The following HSD11B1 variants were observed in gnomAD, a reference collection of about 807,000 sequenced individuals.
HSD11B1 encodes hydroxysteroid 11-beta dehydrogenase 1, also known as 11-beta-hydroxysteroid dehydrogenase 1.
Under a neutral mutation model 22.1 loss-of-function variants are expected in HSD11B1, and 15 were observed. The ratio of observed to expected loss-of-function variants is 0.68; its 90% confidence interval spans 0.45 to 1.04. The LOEUF (loss-of-function observed/expected upper bound fraction) is 1.04, where lower values mean the gene tolerates loss of function less well. Among genes scored for constraint, HSD11B1 ranks in the 50% least tolerant of loss-of-function variants. HSD11B1 has a pLI of 0.00. For missense variants in HSD11B1, 281 were observed against 357.6 expected (o/e 0.79, Z 1.73); for synonymous variants, 122 against 125.2 (o/e 0.97, Z 0.17).
intron 4 of HSD11B1, among the ~76,000 whole-genome samples, chr1:209,708,127 GT>G (rs1362550406): frequency 6.6e-6 from 1 of 152,154 alleles, no homozygotes; most frequent in Non-Finnish European, 1.5e-5. Context: ...GCCATCACCA[GT>G]AAAAAACCAG....
chr1:209,714,778 T>G (rs1389218020), intron 4 of HSD11B1, among the ~76,000 whole-genome samples: 1 of 152,058 alleles, frequency 6.6e-6, no homozygotes, highest in East Asian at 1.9e-4. Context: ...GGGAGGAAGG[T>G]GGCAGCACAG....
intron 4 of HSD11B1, among the ~76,000 whole-genome samples, chr1:209,723,476 G>A (rs751327083): frequency 2.6e-5 from 4 of 152,130 alleles, no homozygotes; most frequent in Non-Finnish European, 5.9e-5. Context: ...TGTTCTGTGC[G>A]CAGGTCCTCC....
chr1:209,700,227 G>A (rs370296789), upstream of HSD11B1, among the ~76,000 whole-genome samples: 1 of 152,216 alleles, frequency 6.6e-6, no homozygotes, highest in African/African-American at 2.4e-5. Context: ...CTCCATGAGG[G>A]CCCTGCCCTG....
intron 4 of HSD11B1, among the ~76,000 whole-genome samples, chr1:209,711,474 T>C (rs558539440): frequency 2.0e-5 from 3 of 152,278 alleles, no homozygotes; most frequent in African/African-American, 7.2e-5. Flanking sequence ...ACCTCAGAAA[T>C]AATCTTCAGG....
chr1:209,697,949 C>T (rs1019052412), intron 1 of HSD11B1, among the ~76,000 whole-genome samples: 1 of 101,906 alleles, frequency 9.8e-6, no homozygotes, highest in Admixed American at 1.4e-4. Context: ...CCAAGCTGAT[C>T]TCAAACTCCT....
intron 1 of HSD11B1, among the ~76,000 whole-genome samples, chr1:209,697,884 C>CTTTTTTTTTTTTTTCTTTTTTTT (rs2076800811): frequency 4.8e-5 from 2 of 41,586 alleles, no homozygotes; most frequent in Non-Finnish European, 8.9e-5. Flanking sequence ...TTGTTTTTTC[C>CTTTTTTTTTTTTTTCTTTTTTTT]TTTTTTTTTT....
intron 4 of HSD11B1, among the ~76,000 whole-genome samples, chr1:209,714,060 G>A (rs969365540): frequency 1.3e-5 from 2 of 152,130 alleles, no homozygotes; most frequent in Non-Finnish European, 2.9e-5. Flanking sequence ...ATGCATGAAG[G>A]TCAACTCTGA....
At chr1:209,719,014 C>A (rs1389367392) in intron 4 of HSD11B1, among the ~76,000 whole-genome samples, 2 of 3,850 alleles carry the variant, frequency 5.2e-4, no homozygotes, top group Admixed American at 3.1e-3. Flanking sequence ...AGTGAGACTC[C>A]ATCTCAAAAA....
upstream of HSD11B1, among the ~76,000 whole-genome samples, chr1:209,701,196 C>A (rs911172375): frequency 6.6e-6 from 1 of 152,132 alleles, no homozygotes; most frequent in Non-Finnish European, 1.5e-5. Flanking sequence ...AAGACATACC[C>A]GAAACCAGGA....
chr1:209,689,312 A>G (rs141892786), intron 1 of HSD11B1, among the ~76,000 whole-genome samples: 3 of 152,204 alleles, frequency 2.0e-5, no homozygotes, highest in Non-Finnish European at 4.4e-5. Context: ...AAAGAGACAA[A>G]CACTACAGAC....
chr1:209,705,857 G>T lies in HSD11B1; in HGVS notation c.135G>T (p.Gly45=). The T allele has an allele frequency of 6.2e-7, 1 of 1,614,066 alleles. No individual in the cohort carries two copies. The highest frequency in any genetic ancestry group is 8.5e-7 in the Non-Finnish European group (1 of 1,179,924). The change falls in exon 2 of 6, where the codon GGG becomes GGT. Residue 45 remains glycine, a synonymous_variant. Coordinates refer to ENST00000367027, the MANE Select transcript of HSD11B1 (RefSeq NM_005525.4). ...TGATTGTCACAGGGGCCAGCAAAGG[G>T]ATCGGAAGAGAGATGGCTTATCATC... The part of the protein sequence containing the change: ...KKVIVTGASK[G]IGREMAYHLA...
chr1:209,716,619 A>C (rs1057488010), intron 4 of HSD11B1, among the ~76,000 whole-genome samples: 1 of 152,204 alleles, frequency 6.6e-6, no homozygotes, highest in Non-Finnish European at 1.5e-5. Flanking sequence ...ATCCTAAGCA[A>C]AAAGAACAAA....
At chr1:209,731,067 A>G (rs1171427723) in intron 4 of HSD11B1, among the ~76,000 whole-genome samples, 1 of 152,212 alleles carries the variant, frequency 6.6e-6, no homozygotes, top group Non-Finnish European at 1.5e-5. Context: ...GAATAGCTAG[A>G]AGGAAGAGGT....
chr1:209,706,312 C>T lies in HSD11B1; in HGVS notation c.219+371C>T, dbSNP rs370936820. On this transcript the variant is annotated intron_variant, in intron 2 of 5. Transcript: ENST00000367027. This position sits in a 1 kb window ranked among gnomAD's most constrained non-coding sequence, Gnocchi z 4.0. The stretch of plus-strand genomic sequence containing the variant: ...GCTTATGAATACATATCCTCATACC[C>T]ATGCAGACTCCCAGACACATGCCCT... Among the ~76,000 whole-genome samples, 6 of 152,296 alleles carry T rather than the reference C, an allele frequency of 3.9e-5. No homozygotes were observed. The highest frequency in any genetic ancestry group is 1.4e-4 in the African/African-American group (6 of 41,548).
At position 209,697,745 on chromosome 1, in the gene HSD11B1, A is replaced by G. The variant is rs866772317; in HGVS notation, c.-48-7150A>G. Among the ~76,000 whole-genome samples the G allele has an allele frequency of 7.9e-5, 12 of 152,124 alleles. 1 individual carries two copies. The highest frequency in any genetic ancestry group is 4.1e-4 in the South Asian group (2 of 4,828). On this transcript the variant is annotated intron_variant, in intron 1 of 6. Coordinates refer to the HSD11B1 transcript ENST00000261465. ...TGGCTATCAGTAGGCATGGTCCAGA[A>G]TGTTTTGTCCACACCTGAGACCATT...
intron 4 of HSD11B1, among the ~76,000 whole-genome samples, chr1:209,719,019 C>CAAAAAAAAAAAAAAAAAAAAAAAAAAAA (rs56342028): frequency 2.8e-5 from 1 of 35,710 alleles, no homozygotes; most frequent in Admixed American, 4.8e-4. Context: ...GACTCCATCT[C>CAAAAAAAAAAAAAAAAAAAAAAAAAAAA]AAAAAAAAAA....
At chr1:209,686,905 C>G (rs2076731951) in intron 1 of HSD11B1, among the ~76,000 whole-genome samples, 2 of 152,226 alleles carry the variant, frequency 1.3e-5, no homozygotes, top group Non-Finnish European at 2.9e-5. Flanking sequence ...TGCTATTCAT[C>G]TATCCTTTAA....
upstream of HSD11B1, among the ~76,000 whole-genome samples, chr1:209,702,623 G>A (rs2076832311): frequency 6.6e-6 from 1 of 152,188 alleles, no homozygotes; most frequent in Non-Finnish European, 1.5e-5. Context: ...TAATGCCACT[G>A]CCCTGAATGC....
chr1:209,708,379 C>T (rs1005295452), intron 4 of HSD11B1, among the ~76,000 whole-genome samples: 5 of 152,196 alleles, frequency 3.3e-5, no homozygotes, highest in Admixed American at 6.5e-5. Context: ...CCATCTGTAT[C>T]GTAAAGAGTT....
Sources: allele counts gnomAD v4.1 joint callset (sites outside exome capture counted in the v4.1 genomes callset), GRCh38; gene constraint gnomAD v4.1.1; non-coding constraint Gnocchi (gnomAD v3.1); transcripts MANE v1.5; gene names NCBI Gene and HGNC (gene_info 2026-07-23, HGNC 2026-07-21).